Variants in FAAH2 observed in about 807,000 individuals in gnomAD.
The protein encoded by FAAH2 is fatty-acid amide hydrolase 2.
In FAAH2, 60 loss-of-function variants were observed where a neutral mutation model predicts 36.9. That is an observed-to-expected ratio of 1.63 (90% confidence interval 1.32 to 2.02). The LOEUF (loss-of-function observed/expected upper bound fraction) is 2.02. FAAH2 is among the 30% of genes most tolerant of loss of function. The pLI, the probability that FAAH2 is intolerant of heterozygous loss-of-function variation, is 0.00. For missense variants in FAAH2, 689 were observed against 397.5 expected (o/e 1.73, Z -6.23); for synonymous variants, 214 against 143.8 (o/e 1.49, Z -3.49).
chrX:57,186,185 A>T, the FAAH2 span, among the ~76,000 whole-genome samples: 1 of 111,970 alleles, frequency 8.9e-6, no homozygotes, highest in African/African-American at 3.2e-5. Flanking sequence ...ACACTCCCAC[A>T]AACAGTGTAA....
chrX:57,466,961 A>G (rs1385173144), intron 10 of FAAH2, among the ~76,000 whole-genome samples: 1 of 111,618 alleles, frequency 9.0e-6, no homozygotes, highest in African/African-American at 3.3e-5. Flanking sequence ...GATTTGTACA[A>G]GGAATCTTGG....
intron 7 of FAAH2, among the ~76,000 whole-genome samples, chrX:57,388,866 G>C (rs187861859): frequency 9.1e-6 from 1 of 109,848 alleles, no homozygotes; most frequent in South Asian, 3.8e-4. Context: ...TTATGTAACC[G>C]TTTTATACTT....
Position 57,378,697 on chromosome X carries a change from G to A in FAAH2, c.789G>A (p.Gln263=), listed in dbSNP as rs934547657. Residue 263 remains glutamine, a synonymous_variant, in exon 6 of 11, where the codon CAG becomes CAA. Coordinates refer to ENST00000374900, the MANE Select transcript of FAAH2 (RefSeq NM_174912.4). The stretch of plus-strand genomic sequence containing the variant: ...AGTTTCCCTTGGCTGTGGGAGCCCA[G>A]GAGTTGTTTCTGTGCACTGGTCCTA... ...KGQFPLAVGA[Q]ELFLCTGPMC... is the part of the protein sequence containing the mutation. The A allele has an allele frequency of 1.7e-6, 2 of 1,209,146 alleles. No individual in the cohort carries two copies. Among genetic ancestry groups the A allele is most frequent in the African/African-American group, 3.5e-5 (2 of 57,030 alleles).
At chrX:57,151,430 T>TC in the FAAH2 span, among the ~76,000 whole-genome samples, 1 of 111,942 alleles carries the variant, frequency 8.9e-6, no homozygotes, top group Non-Finnish European at 1.9e-5. Flanking sequence ...TTTCACATAG[T>TC]CCCATATTTC....
chrX:57,439,852 A>C (rs1390607525), intron 8 of FAAH2, among the ~76,000 whole-genome samples: 17 of 111,981 alleles, frequency 1.5e-4, no homozygotes, highest in African/African-American at 5.5e-4. Flanking sequence ...CATTTATTAA[A>C]TAGGGAATCC....
At chrX:57,299,345 A>C (rs977771981) in intron 2 of FAAH2, among the ~76,000 whole-genome samples, 3 of 112,144 alleles carry the variant, frequency 2.7e-5, no homozygotes, top group Non-Finnish European at 5.6e-5. Flanking sequence ...ACAGAACCAA[A>C]GACAAAAACC....
At chrX:57,253,654 A>C in the FAAH2 span, among the ~76,000 whole-genome samples, 3 of 111,775 alleles carry the variant, frequency 2.7e-5, no homozygotes, top group African/African-American at 9.8e-5. Context: ...CCAGAATTTC[A>C]TATCCAGCCA....
At chrX:57,154,077 G>T in the FAAH2 span, among the ~76,000 whole-genome samples, 1 of 111,451 alleles carries the variant, frequency 9.0e-6, no homozygotes, top group Admixed American at 9.6e-5. Flanking sequence ...CTTTGTCCTT[G>T]TTGGATTGAA....
At chrX:57,442,031 A>G (rs1465846614) in intron 8 of FAAH2, among the ~76,000 whole-genome samples, 3 of 111,698 alleles carry the variant, frequency 2.7e-5, no homozygotes, top group African/African-American at 3.3e-5. Context: ...ACTTCCAACT[A>G]TGTGGTCAAT....
intron 7 of FAAH2, among the ~76,000 whole-genome samples, chrX:57,398,839 A>T: frequency 1.8e-5 from 2 of 111,687 alleles, no homozygotes; most frequent in Non-Finnish European, 3.8e-5. Context: ...AGCTAGGCTT[A>T]GGAATTCTTA....
intron 5 of FAAH2, among the ~76,000 whole-genome samples, chrX:57,348,939 G>GA (rs766204056): frequency 2.5e-4 from 26 of 105,177 alleles, no homozygotes; most frequent in Admixed American, 5.3e-4. Flanking sequence ...TCAAACAACA[G>GA]AAAAAAAATC....
intron 1 of FAAH2, 149 bp from the exon 2 acceptor site, chrX:57,292,349 A>G: frequency 2.4e-6 from 1 of 411,671 alleles, no homozygotes; most frequent in East Asian, 4.3e-5. Context: ...CCTTAGCTTC[A>G]TATTTTGCCT....
chrX:57,299,048 C>A (rs919426870), intron 2 of FAAH2, among the ~76,000 whole-genome samples: 20 of 111,656 alleles, frequency 1.8e-4, no homozygotes, highest in South Asian at 7.6e-4. Flanking sequence ...GGTACCATTC[C>A]TTCTGAAACT....
chrX:57,275,891 C>T, the FAAH2 span, among the ~76,000 whole-genome samples: 1 of 111,939 alleles, frequency 8.9e-6, no homozygotes, highest in Non-Finnish European at 1.9e-5. Flanking sequence ...AATATCTATG[C>T]ACCCAATACA....
intron 10 of FAAH2, among the ~76,000 whole-genome samples, chrX:57,461,244 A>G (rs1029679313): frequency 8.2e-4 from 92 of 111,613 alleles, no homozygotes; most frequent in African/African-American, 2.7e-3. Context: ...TAGATGGATC[A>G]ATGAGGCAGA....
intron 2 of FAAH2, among the ~76,000 whole-genome samples, chrX:57,296,055 T>A (rs922714042): frequency 5.3e-5 from 6 of 112,257 alleles, no homozygotes; most frequent in African/African-American, 1.9e-4. Context: ...AAGACAGCAA[T>A]AACCTCTGCA....
At chrX:57,339,014 T>C (rs1328175630) in intron 4 of FAAH2, among the ~76,000 whole-genome samples, 1 of 111,373 alleles carries the variant, frequency 9.0e-6, no homozygotes, top group Non-Finnish European at 1.9e-5. Context: ...CTTCCAACTA[T>C]ACTACAGGGC....
intron 7 of FAAH2, among the ~76,000 whole-genome samples, chrX:57,410,473 A>G (rs763417930): frequency 8.9e-6 from 1 of 111,893 alleles, no homozygotes; most frequent in East Asian, 2.8e-4. Flanking sequence ...GAAGTACTGT[A>G]CAATTATTTT....
At chrX:57,284,540 A>G (rs1232665311), upstream of FAAH2, among the ~76,000 whole-genome samples, 1 of 112,257 alleles carries the variant, frequency 8.9e-6, no homozygotes, top group African/African-American at 3.2e-5. Flanking sequence ...GTATGAATCC[A>G]CTTATACGAG....
Sources: gnomAD v4.1 joint callset for allele counts (sites outside exome capture counted in the v4.1 genomes callset) on GRCh38, gnomAD v4.1.1 for gene constraint, MANE v1.5 for transcripts, NCBI Gene and HGNC (gene_info 2026-07-23, HGNC 2026-07-21) for gene names.